The following SOS2 variants were observed in gnomAD, a reference collection of about 807,000 sequenced individuals.
The protein encoded by SOS2 is SOS Ras/Rho guanine nucleotide exchange factor 2, also known as son of sevenless homolog 2.
SOS2 carries 65 observed loss-of-function variants against 148.2 expected under a neutral mutation model. The ratio of observed to expected loss-of-function variants is 0.44; its 90% CI spans 0.36 to 0.54. SOS2 has a LOEUF of 0.54. Ranked by LOEUF, SOS2 falls within the 20% of genes least tolerant of loss-of-function variation. The pLI, the probability that SOS2 is intolerant of heterozygous loss-of-function variation, is 0.00. For synonymous variants in SOS2, 539 were observed against 537.1 expected (o/e 1.00, Z -0.05); for missense variants, 1,341 against 1,590.2 (o/e 0.84, Z 2.67).
chr14:50,123,380 C>CTTTTTT (rs34222143), intron 21 of SOS2, among the ~76,000 whole-genome samples: 2 of 118,500 alleles, frequency 1.7e-5, no homozygotes, highest in African/African-American at 6.4e-5. Flanking sequence ...CACCAGAGGG[C>CTTTTTT]TTTTTTTTTT....
intron 8 of SOS2, among the ~76,000 whole-genome samples, chr14:50,167,905 G>C (rs1885220263): frequency 6.6e-6 from 1 of 151,744 alleles, no homozygotes; most frequent in Non-Finnish European, 1.5e-5. Flanking sequence ...TCCAGGTGAA[G>C]GGTGCTCACC....
chr14:50,228,091 G>A (rs1417088061), intron 1 of SOS2, among the ~76,000 whole-genome samples: 2 of 150,782 alleles, frequency 1.3e-5, no homozygotes, highest in Non-Finnish European at 2.9e-5. Flanking sequence ...GCCCAGGATG[G>A]AGTGCAGTGG....
intron 21 of SOS2, among the ~76,000 whole-genome samples, chr14:50,124,816 C>A (rs1883633072): frequency 6.6e-6 from 1 of 152,132 alleles, no homozygotes; most frequent in South Asian, 2.1e-4. Context: ...CTCATTTCAT[C>A]TGAGTACTTT....
At chr14:50,120,164 G>A (rs1883455487) in intron 22 of SOS2, 111 bp downstream of exon 22, 1 of 598,136 alleles carries the variant, frequency 1.7e-6, no homozygotes, top group African/African-American at 1.9e-5. Context: ...CCCAAATGCT[G>A]AAAAACCATA....
At chr14:50,203,210 T>C (rs1190364159) in intron 2 of SOS2, among the ~76,000 whole-genome samples, 2 of 151,454 alleles carry the variant, frequency 1.3e-5, no homozygotes, top group Non-Finnish European at 2.9e-5. Context: ...AAAGTAATTT[T>C]TGAAAATATA....
intron 13 of SOS2, 50 bp downstream of exon 13, chr14:50,153,020 C>A: frequency 1.2e-6 from 1 of 843,114 alleles, no homozygotes; most frequent in South Asian, 1.8e-5. Flanking sequence ...CAAATTTGAA[C>A]ATAAACTCAT....
intron 5 of SOS2, 91 bp from the exon 6 acceptor site, chr14:50,182,697 G>T (rs1885781760): frequency 1.0e-6 from 1 of 977,422 alleles, no homozygotes; most frequent in African/African-American, 1.6e-5. Context: ...GCTACTCGAG[G>T]CAGACTGCCT....
intron 2 of SOS2, among the ~76,000 whole-genome samples, chr14:50,202,746 C>G: frequency 6.6e-6 from 1 of 151,756 alleles, no homozygotes; most frequent in Admixed American, 6.6e-5. Flanking sequence ...TAAAACAAAA[C>G]ACAACAAAAC....
chr14:50,188,173 C>T (rs1020317686), intron 5 of SOS2, among the ~76,000 whole-genome samples: 10 of 152,138 alleles, frequency 6.6e-5, no homozygotes, highest in African/African-American at 1.9e-4. Flanking sequence ...GAGGCCAAGG[C>T]AGGTGGATCA....
At chr14:50,214,115 AC>A in intron 1 of SOS2, among the ~76,000 whole-genome samples, 1 of 25,686 alleles carries the variant, frequency 3.9e-5, no homozygotes, top group Non-Finnish European at 1.6e-4. Flanking sequence ...ATTTTTCATA[AC>A]AAGCTTTGCA....
intron 18 of SOS2, among the ~76,000 whole-genome samples, chr14:50,137,012 A>G (rs529991376): frequency 1.2e-4 from 18 of 152,322 alleles, no homozygotes; most frequent in Non-Finnish European, 2.5e-4. Flanking sequence ...GTAATGGTGG[A>G]TATTTTCACT....
In SOS2 at chr14:50,130,765, G is replaced by A. The variant is rs1293540485; in HGVS notation, c.3076-3C>T. 4 of 1,590,826 alleles carry A rather than the reference G, an allele frequency of 2.5e-6. No individual in the cohort carries two copies. The highest frequency in any genetic ancestry group is 3.4e-6 in the Non-Finnish European group (4 of 1,170,294). ...AAGGAAAAAGTTGATTTCCTAGGCTGAGAAAAGCAAACATAATTAATGTCA... is the reference window on the plus strand; with the variant it reads ...AAGGAAAAAGTTGATTTCCTAGGCTAAGAAAAGCAAACATAATTAATGTCA... On this transcript the variant is annotated splice_region_variant and splice_polypyrimidine_tract_variant and intron_variant, in intron 19 of 22. Transcript: ENST00000216373.
chr14:50,156,573 T>C (rs1468809633), intron 12 of SOS2: 1 of 152,414 alleles, frequency 6.6e-6, no homozygotes, highest in Non-Finnish European at 1.5e-5. Flanking sequence ...GGGCTAGAAC[T>C]TCCACAAATA....
chr14:50,127,205 G>A (rs1210050271), intron 21 of SOS2, among the ~76,000 whole-genome samples: 4 of 142,540 alleles, frequency 2.8e-5, no homozygotes, highest in African/African-American at 1.1e-4. Context: ...GCAATGACAC[G>A]ATCTTGGATC....
intron 1 of SOS2, among the ~76,000 whole-genome samples, chr14:50,213,821 A>G (rs1886961166): frequency 6.6e-6 from 1 of 151,364 alleles, no homozygotes; most frequent in Non-Finnish European, 1.5e-5. Flanking sequence ...ATGTATGTGC[A>G]TATTAAAGAA....
At position 50,145,464 on chromosome 14, in the gene SOS2, A is replaced by G. The variant is rs1287639953; in HGVS notation, c.2504+13T>C. On this transcript the variant is annotated intron_variant, in intron 15 of 22. Coordinates refer to ENST00000216373, the MANE Select transcript of SOS2 (RefSeq NM_006939.4). ...TGGCTATTAGGAGGTAGTAAGAGTA[A>G]ATTAAAACTTACTTTTCAAACCAGA... 1 of 1,595,146 alleles carries G rather than the reference A, an allele frequency of 6.3e-7. No individual in the cohort carries two copies. Among genetic ancestry groups the G allele is most frequent in the Admixed American group, 1.7e-5 (1 of 57,302 alleles).
chr14:50,181,535 ACT>A (rs1181459389), intron 6 of SOS2, among the ~76,000 whole-genome samples: 1 of 151,862 alleles, frequency 6.6e-6, no homozygotes, highest in East Asian at 1.9e-4. Context: ...AAAGGAAAAA[ACT>A]CTACAACCTA....
rs1241909681 is a variant in SOS2 at position 50,117,382 on chromosome 14, T to C, written c.*962A>G. 2 of 152,220 alleles carry C rather than the reference T, an allele frequency of 1.3e-5. No homozygotes were observed. Among genetic ancestry groups the C allele is most frequent in the Non-Finnish European group, 2.9e-5 (2 of 68,034 alleles). 9.4% of individuals were successfully genotyped at this position (152,220 alleles called of 1,614,324 possible). The stretch of plus-strand genomic sequence containing the variant: ...TATTTGCTGGTTTAAATATTACCAA[T>C]CTAAAAAATATATTTAAAAAAAATT... On this transcript the variant is annotated 3_prime_UTR_variant, in exon 23 of 23. Transcript: ENST00000216373.
At chr14:50,210,394 G>C (rs1300243843) in intron 1 of SOS2, among the ~76,000 whole-genome samples, 1 of 152,096 alleles carries the variant, frequency 6.6e-6, no homozygotes, top group Non-Finnish European at 1.5e-5. Context: ...ATCAATCCTA[G>C]CTGCATGTTA....
Sources: allele counts gnomAD v4.1 joint callset (sites outside exome capture counted in the v4.1 genomes callset), GRCh38; gene constraint gnomAD v4.1.1; transcripts MANE v1.5; gene names NCBI Gene and HGNC (gene_info 2026-07-23, HGNC 2026-07-21).